Variants in ZNF804B observed in about 807,000 individuals in gnomAD.
The protein encoded by ZNF804B is zinc finger protein 804B, also known as zinc finger 804B.
ZNF804B carries 80 observed loss-of-function variants against 101.4 expected under a neutral mutation model. The ratio of observed to expected loss-of-function variants is 0.79; its 90% CI spans 0.66 to 0.95. ZNF804B has a LOEUF of 0.95. Among genes scored for constraint, ZNF804B ranks in the 40% least tolerant of loss-of-function variants. ZNF804B has a pLI of 0.00. For missense variants in ZNF804B, 1,673 were observed against 1,561.9 expected (o/e 1.07, Z -1.20); for synonymous variants, 622 against 558.8 (o/e 1.11, Z -1.59).
At chr7:88,921,810 A>G (rs1335280384) in intron 1 of ZNF804B, among the ~76,000 whole-genome samples, 2 of 152,058 alleles carry the variant, frequency 1.3e-5, no homozygotes, top group Non-Finnish European at 2.9e-5. Flanking sequence ...TAAACATGGT[A>G]TAGCAAGATG....
intron 1 of ZNF804B, among the ~76,000 whole-genome samples, chr7:89,044,910 A>T (rs1246559208): frequency 1.3e-5 from 2 of 152,234 alleles, no homozygotes; most frequent in African/African-American, 4.8e-5. Flanking sequence ...AAGGAGCCGA[A>T]TGTTAATCAG....
chr7:89,049,879 G>A (rs1025975893), intron 1 of ZNF804B, among the ~76,000 whole-genome samples: 1 of 152,070 alleles, frequency 6.6e-6, no homozygotes, highest in Non-Finnish European at 1.5e-5. Context: ...ATGCATGGTG[G>A]CATGTGCCTG....
At chr7:88,826,450 T>A (rs3915329) in intron 1 of ZNF804B, among the ~76,000 whole-genome samples, 69,629 of 151,978 alleles carry the variant, frequency 0.46, 16,861 homozygotes, top group East Asian at 0.81. Flanking sequence ...TGCTTCTCAT[T>A]TATTGTATAC....
intron 2 of ZNF804B, among the ~76,000 whole-genome samples, chr7:89,228,675 C>T (rs1303297455): frequency 6.6e-6 from 1 of 152,196 alleles, no homozygotes; most frequent in Non-Finnish European, 1.5e-5. Flanking sequence ...CTTCATGTCC[C>T]CACCAGACTC....
At chr7:89,081,725 C>T (rs1309967744) in intron 1 of ZNF804B, among the ~76,000 whole-genome samples, 1 of 151,762 alleles carries the variant, frequency 6.6e-6, no homozygotes, top group Non-Finnish European at 1.5e-5. Flanking sequence ...TCTAACTGCT[C>T]TCATTCTTTA....
At chr7:88,942,327 TAAC>T (rs904399920) in intron 1 of ZNF804B, among the ~76,000 whole-genome samples, 5 of 152,062 alleles carry the variant, frequency 3.3e-5, no homozygotes, top group African/African-American at 1.2e-4. Context: ...TGACAAAAAT[TAAC>T]AAATAGTGCT....
intron 1 of ZNF804B, among the ~76,000 whole-genome samples, chr7:88,874,707 T>C (rs1220146643): frequency 6.6e-6 from 1 of 152,160 alleles, no homozygotes; most frequent in East Asian, 1.9e-4. Context: ...TCAAAGGCCT[T>C]TTCTGCATCT....
chr7:89,232,496 T>C (rs1789207875), intron 2 of ZNF804B, among the ~76,000 whole-genome samples: 1 of 152,176 alleles, frequency 6.6e-6, no homozygotes, highest in Admixed American at 6.5e-5. Context: ...TATTCATTCT[T>C]TAAATGTTTA....
intron 1 of ZNF804B, among the ~76,000 whole-genome samples, chr7:88,949,456 A>G (rs1259525960): frequency 1.3e-5 from 2 of 151,870 alleles, no homozygotes; most frequent in Non-Finnish European, 2.9e-5. Flanking sequence ...TTTCATTTAC[A>G]TTCTAGAATT....
chr7:89,048,720 T>G (rs1789152846), intron 1 of ZNF804B, among the ~76,000 whole-genome samples: 1 of 152,054 alleles, frequency 6.6e-6, no homozygotes, highest in African/African-American at 2.4e-5. Flanking sequence ...ATATAATTTT[T>G]TGATTTAAAA....
intron 2 of ZNF804B, among the ~76,000 whole-genome samples, chr7:89,269,810 G>T (rs932090296): frequency 1.3e-5 from 2 of 152,136 alleles, no homozygotes; most frequent in Non-Finnish European, 2.9e-5. Context: ...TTCTCTGATG[G>T]CCGGTGATGA....
At chr7:89,052,324 A>G (rs1421137187) in intron 1 of ZNF804B, among the ~76,000 whole-genome samples, 1 of 151,922 alleles carries the variant, frequency 6.6e-6, no homozygotes, top group African/African-American at 2.4e-5. Flanking sequence ...ATTGTTTACC[A>G]TCAGTTTTAT....
intron 1 of ZNF804B, among the ~76,000 whole-genome samples, chr7:88,961,082 C>T (rs1174741088): frequency 6.6e-6 from 1 of 151,396 alleles, no homozygotes; most frequent in East Asian, 2.0e-4. Flanking sequence ...ATCAAAACCT[C>T]TGATTCTATC....
intron 1 of ZNF804B, among the ~76,000 whole-genome samples, chr7:89,017,823 G>C (rs1208803772): frequency 6.6e-6 from 1 of 151,940 alleles, no homozygotes; most frequent in Admixed American, 6.6e-5. Context: ...CTAGTTCCTT[G>C]TTTGTGTATA....
chr7:89,115,645 T>C (rs538976136), intron 1 of ZNF804B, among the ~76,000 whole-genome samples: 56 of 152,328 alleles, frequency 3.7e-4, no homozygotes, highest in African/African-American at 1.2e-3. Context: ...GAAAGTCTTA[T>C]GAACTTCTCT....
Position 89,293,953 on chromosome 7 carries a change from TAA to T in ZNF804B, c.250-33388_250-33387del, listed in dbSNP as rs574182488. 1.1e-3 allele frequency among the ~76,000 whole-genome samples: 167 copies of T among 152,356 alleles called. 1 individual carries two copies. Among genetic ancestry groups the T allele is most frequent in the Middle Eastern group, 0.01 (3 of 294 alleles). ...AATTAAAATTGTTTTCCGGTTTTGTTAAAAGTTTGTACCAACATTCTTTTAGC... is the reference window on the plus strand; with the variant it reads ...AATTAAAATTGTTTTCCGGTTTTGTTAAGTTTGTACCAACATTCTTTTAGC... On this transcript the variant is annotated intron_variant, in intron 2 of 3. Transcript: ENST00000333190.
At chr7:89,240,035 A>T (rs1362910918) in intron 2 of ZNF804B, among the ~76,000 whole-genome samples, 3 of 151,742 alleles carry the variant, frequency 2.0e-5, no homozygotes, top group Non-Finnish European at 2.9e-5. Context: ...AAATTAGGAT[A>T]AAATAATAAT....
intron 1 of ZNF804B, among the ~76,000 whole-genome samples, chr7:89,106,413 GC>G (rs1019059757): frequency 6.6e-6 from 1 of 152,062 alleles, no homozygotes; most frequent in African/African-American, 2.4e-5. Flanking sequence ...AGTATTATGT[GC>G]TAGATCCTCT....
intron 1 of ZNF804B, among the ~76,000 whole-genome samples, chr7:88,849,816 A>G (rs1751647466): frequency 6.6e-6 from 1 of 151,862 alleles, no homozygotes; most frequent in African/African-American, 2.4e-5. Context: ...TAAAAAAATA[A>G]TTGCAAGGTT....
Sources: gnomAD v4.1 joint callset for allele counts (sites outside exome capture counted in the v4.1 genomes callset) on GRCh38, gnomAD v4.1.1 for gene constraint, MANE v1.5 for transcripts, NCBI Gene and HGNC (gene_info 2026-07-23, HGNC 2026-07-21) for gene names.